The following RNF170 variants were observed in gnomAD, a reference collection of about 807,000 sequenced individuals.
The protein encoded by RNF170 is E3 ubiquitin-protein ligase RNF170.
In RNF170, 12 loss-of-function variants were observed where a neutral mutation model predicts 32.7. The ratio of observed to expected loss-of-function variants is 0.37; its 90% CI spans 0.24 to 0.60. The LOEUF (loss-of-function observed/expected upper bound fraction) is 0.60. Ranked by LOEUF, RNF170 falls within the 20% of genes least tolerant of loss-of-function variation. The probability of loss-of-function intolerance (pLI) is 0.72; values close to 1 mark genes in which losing one functional copy is unlikely to be tolerated. For synonymous variants in RNF170, 91 were observed against 103.6 expected (o/e 0.88, Z 0.74); for missense variants, 212 against 311.2 (o/e 0.68, Z 2.40).
intron 2 of RNF170, chr8:42,881,410 G>A (rs1805392482): frequency 6.6e-6 from 1 of 152,106 alleles, no homozygotes; most frequent in South Asian, 2.1e-4. Context: ...GTTGCCTAAG[G>A]AGGAGTGAAT....
chr8:42,863,982 T>A (rs73675440), intron 5 of RNF170, among the ~76,000 whole-genome samples: 6,677 of 123,992 alleles, frequency 0.054, 153 homozygotes, highest in South Asian at 0.079. Context: ...AGAGAGAGAG[T>A]GTGTGTGTGT....
rs377683087 is a variant in RNF170, at chr8:42,893,203, A to G, written c.-8+3281T>C. Among the ~76,000 whole-genome samples, 12 of 152,274 alleles carry G rather than the reference A, an allele frequency of 7.9e-5. No individual in the cohort carries two copies. In the East Asian group the frequency reaches 1.5e-3, roughly 20 times the overall value. Reference sequence around the variant, plus strand: ...GGCCACTAAAGGTTGTTTACATTAAACCCAAAAACAAGGTTATTAAATGTA... The same window carrying G: ...GGCCACTAAAGGTTGTTTACATTAAGCCCAAAAACAAGGTTATTAAATGTA... On this transcript the variant is annotated intron_variant, in intron 1 of 6. Coordinates refer to ENST00000527424, the MANE Select transcript of RNF170 (RefSeq NM_030954.4).
chr8:42,895,014 C>T (rs1806652229), intron 1 of RNF170, among the ~76,000 whole-genome samples: 2 of 151,806 alleles, frequency 1.3e-5, no homozygotes, highest in Admixed American at 1.3e-4. Context: ...GTAAGGCAAC[C>T]TTAAAAACTC....
Position 42,887,840 on chromosome 8 carries a change from G to C in RNF170, c.25C>G (p.Gln9Glu). The C allele has an allele frequency of 6.2e-7, 1 of 1,613,844 alleles. No individual in the cohort carries two copies. Among genetic ancestry groups the C allele is most frequent in the South Asian group, 1.1e-5 (1 of 91,072 alleles). ...GAATCATCATCCAGTTTCAAACTTT[G>C]AACTTCACCTTGATATTTGGCCATT... MAKYQGEV[Q>E]SLKLDDDSVI... The change falls in exon 2 of 7, where the codon CAA (glutamine) becomes GAA (glutamate). Residue 9 changes from glutamine (Q) to glutamate (E), a missense_variant. By Grantham distance (29) the Gln-to-Glu change is conservative (BLOSUM62 2). Around this residue, in one of 2 missense-constraint regions of RNF170, gnomAD observed 115 missense variants for 132.3 expected, o/e 0.87. Coordinates refer to ENST00000527424, the MANE Select transcript of RNF170 (RefSeq NM_030954.4).
At chr8:42,875,796 C>T (rs574921100) in intron 2 of RNF170, among the ~76,000 whole-genome samples, 4 of 152,286 alleles carry the variant, frequency 2.6e-5, no homozygotes, top group South Asian at 2.1e-4. Flanking sequence ...AGGCTGGTCT[C>T]GATCCGGACC....
chr8:42,889,720 C>T (rs1806138706), intron 1 of RNF170, among the ~76,000 whole-genome samples: 1 of 152,098 alleles, frequency 6.6e-6, no homozygotes, highest in Non-Finnish European at 1.5e-5. Context: ...CGAAGGTGCA[C>T]ACCAGGAAAC....
intron 4 of RNF170, among the ~76,000 whole-genome samples, chr8:42,867,701 G>A (rs1416378875): frequency 4.0e-5 from 6 of 148,732 alleles, no homozygotes; most frequent in South Asian, 4.3e-4. Context: ...GTGTGAACCC[G>A]GGAGGCGGAG....
chr8:42,873,808 A>C (rs1804701991), intron 3 of RNF170, 123 bp downstream of exon 3: 1 of 681,202 alleles, frequency 1.5e-6, no homozygotes, highest in Admixed American at 2.3e-5. Flanking sequence ...AAAATAATAT[A>C]AGGTAATTTG....
At chr8:42,878,070 AATC>A (rs869213580) in intron 2 of RNF170, among the ~76,000 whole-genome samples, 12 of 152,172 alleles carry the variant, frequency 7.9e-5, no homozygotes, top group East Asian at 5.8e-4. Context: ...TCAATCAATC[AATC>A]AACGTTGTGT....
Position 42,854,814 on chromosome 8 carries a change from G to T in RNF170, c.*1345C>A. On this transcript the variant is annotated 3_prime_UTR_variant, in exon 7 of 7. Transcript: ENST00000527424. ...ACTAATGAGCAACGCCAGCTGAAGT[G>T]AGTAAGATCTCCCAGTACCATGTGG... is the stretch of plus-strand genomic sequence containing the variant. 1 of 1,287,280 alleles carries T rather than the reference G, an allele frequency of 7.8e-7. No individual in the cohort carries two copies. The highest frequency in any genetic ancestry group is 1.0e-6 in the Non-Finnish European group (1 of 988,688). 79.7% of individuals were successfully genotyped at this position (1,287,280 alleles called of 1,614,324 possible). A position where few individuals can be genotyped will look rare whatever the true frequency, so the allele number is the denominator to read the frequency against.
intron 6 of RNF170, among the ~76,000 whole-genome samples, chr8:42,858,104 G>T (rs1803377901): frequency 6.6e-6 from 1 of 152,098 alleles, no homozygotes; most frequent in African/African-American, 2.4e-5. Flanking sequence ...TCTTAAATTT[G>T]AAACAGGTTG....
At position 42,855,367 on chromosome 8, in the gene RNF170, A is replaced by G; in HGVS notation, c.*792T>C. Reference sequence around the variant, plus strand: ...GCTGGGACTACAGGCGCCTGCCACCACGCCTGGCTAATTTTTTGTATTTTT... The same window carrying G: ...GCTGGGACTACAGGCGCCTGCCACCGCGCCTGGCTAATTTTTTGTATTTTT... On this transcript the variant is annotated 3_prime_UTR_variant, in exon 7 of 7. Transcript: ENST00000527424. 1.5e-6 allele frequency: 1 copy of G among 665,316 alleles called. No individual in the cohort carries two copies. Among genetic ancestry groups the G allele is most frequent in the Non-Finnish European group, 2.2e-6 (1 of 449,082 alleles). The allele number at this position is 665,316 out of a possible 1,614,324, so 41.2% of individuals were successfully genotyped here. A position where few individuals can be genotyped will look rare whatever the true frequency, so the allele number is the denominator to read the frequency against.
rs200245455 is a variant in RNF170, at chr8:42,861,810, C to G, written c.442G>C (p.Asp148His). 1 of 1,613,756 alleles carries G rather than the reference C, an allele frequency of 6.2e-7. No homozygotes were observed. Among genetic ancestry groups the G allele is most frequent in the Non-Finnish European group, 8.5e-7 (1 of 1,179,952 alleles). ...ATATCCTGATGCAATCTCAGAACAT[C>G]CTGAGACTGATCATCTTCACCAAAT... ...TVFGEDDQSQ[D>H]VLRLHQDIND... The change falls in exon 6 of 7, where the codon GAT (aspartate) becomes CAT (histidine). Residue 148 changes from aspartate to histidine, a missense_variant. Coordinates refer to ENST00000527424, the MANE Select transcript of RNF170 (RefSeq NM_030954.4).
intron 4 of RNF170, among the ~76,000 whole-genome samples, chr8:42,866,837 A>G (rs1038626656): frequency 3.9e-5 from 6 of 152,200 alleles, no homozygotes; most frequent in Non-Finnish European, 8.8e-5. Context: ...CTTCAGGCCA[A>G]TAAGAGGTGA....
downstream of RNF170, chr8:42,853,237 T>G (rs1382519112): frequency 1.4e-6 from 1 of 720,906 alleles, no homozygotes; most frequent in Non-Finnish European, 1.9e-6. Context: ...TTATACTGAA[T>G]GCTCTTTCAG....
At chr8:42,865,673 A>G (rs893822338) in intron 4 of RNF170, among the ~76,000 whole-genome samples, 184 bp from the exon 5 acceptor site, 7 of 152,222 alleles carry the variant, frequency 4.6e-5, no homozygotes, top group African/African-American at 1.2e-4. Flanking sequence ...CTAGCCATTA[A>G]AAATTTTTTT....
In RNF170 at chr8:42,856,153, T is replaced by C; in HGVS notation, c.*6A>G. On this transcript the variant is annotated 3_prime_UTR_variant, in exon 7 of 7. Transcript: ENST00000527424. ...TATCCTAGTAAACTCAGTTTTGTTT[T>C]CTTTTTCATCTAGTTAGCCTTTGGG... The C allele has an allele frequency of 6.2e-7, 1 of 1,612,594 alleles. No homozygotes were observed. The highest frequency in any genetic ancestry group is 8.5e-7 in the Non-Finnish European group (1 of 1,179,744).
chr8:42,872,658 G>T (rs28539345), intron 3 of RNF170, among the ~76,000 whole-genome samples: 18,179 of 151,916 alleles, frequency 0.12, 1,789 homozygotes, highest in African/African-American at 0.24. Flanking sequence ...GGCCAGGATG[G>T]TCTTGATCTC....
In RNF170 at chr8:42,854,600, C is replaced by T. The variant is rs1377461724; in HGVS notation, c.*1559G>A. ...GAAAAACACATATTGATATTTCATT[C>T]AGAATCTCATTAATTGGTAGCTGAT... On this transcript the variant is annotated 3_prime_UTR_variant, in exon 7 of 7. Transcript: ENST00000527424. 7.8e-7 allele frequency: 1 copy of T among 1,287,016 alleles called. No individual in the cohort carries two copies. Among genetic ancestry groups the T allele is most frequent in the African/African-American group, 1.5e-5 (1 of 65,800 alleles). 79.7% of individuals were successfully genotyped at this position (1,287,016 alleles called of 1,614,324 possible). A position where few individuals can be genotyped will look rare whatever the true frequency, so the allele number is the denominator to read the frequency against.
Sources: gnomAD v4.1 joint callset for allele counts (sites outside exome capture counted in the v4.1 genomes callset) on GRCh38, gnomAD v4.1.1 for gene constraint, gnomAD v4.1.1 regional missense constraint, MANE v1.5 for transcripts, NCBI Gene and HGNC (gene_info 2026-07-23, HGNC 2026-07-21) for gene names.